RSPO4: variants seen among roughly 807,000 people sequenced by gnomAD.
The protein encoded by RSPO4 is R-spondin 4, also known as R-spondin-4.
RSPO4 carries 23 observed loss-of-function variants against 24.8 expected under a neutral mutation model. That is an observed-to-expected ratio of 0.93 (90% CI 0.67 to 1.31). The LOEUF (loss-of-function observed/expected upper bound fraction) is 1.31, where lower values mean the gene tolerates loss of function less well. Among genes scored for constraint, RSPO4 ranks in the 40% most tolerant of loss-of-function variants. RSPO4 has a pLI of 0.00. For synonymous variants in RSPO4, 141 were observed against 127.4 expected (o/e 1.11, Z -0.72); for missense variants, 333 against 316.5 (o/e 1.05, Z -0.39).
At chr20:992,494 C>T (rs542942596) in intron 1 of RSPO4, among the ~76,000 whole-genome samples, 1 of 152,120 alleles carries the variant, frequency 6.6e-6, no homozygotes, top group African/African-American at 2.4e-5. Context: ...TCTCTGACAT[C>T]AGGCTCGAAC....
intron 3 of RSPO4, among the ~76,000 whole-genome samples, chr20:965,654 C>G (rs114442345): frequency 0.021 from 3,185 of 152,206 alleles, 57 homozygotes; most frequent in African/African-American, 0.046. Flanking sequence ...GGGAAGAGGG[C>G]GGCACAGAGG....
intron 1 of RSPO4, among the ~76,000 whole-genome samples, chr20:975,021 C>T (rs1427337940): frequency 6.6e-6 from 1 of 152,206 alleles, no homozygotes; most frequent in Non-Finnish European, 1.5e-5. Flanking sequence ...TGACTGCCTC[C>T]CAGTCCTTCC....
chr20:984,120 G>A (rs1286614579), intron 1 of RSPO4, among the ~76,000 whole-genome samples: 1 of 151,960 alleles, frequency 6.6e-6, no homozygotes, highest in Non-Finnish European at 1.5e-5. Flanking sequence ...GGTGGATCAT[G>A]AGGTCAGGAG....
At chr20:964,557 C>T (rs923391561) in intron 3 of RSPO4, among the ~76,000 whole-genome samples, 1 of 151,792 alleles carries the variant, frequency 6.6e-6, no homozygotes, top group Non-Finnish European at 1.5e-5. Context: ...GCCTGGGAAG[C>T]CCTCAGGACC....
intron 1 of RSPO4, among the ~76,000 whole-genome samples, chr20:988,417 T>C (rs568947433): frequency 7.2e-5 from 11 of 152,192 alleles, no homozygotes; most frequent in African/African-American, 2.4e-4. Flanking sequence ...CTGGCAGCTA[T>C]GAGAAGTGGG....
chr20:976,997 C>A (rs1436163662), intron 1 of RSPO4, among the ~76,000 whole-genome samples: 1 of 152,168 alleles, frequency 6.6e-6, no homozygotes, highest in Non-Finnish European at 1.5e-5. Context: ...TTACTGCAGA[C>A]CCTACCCCTC....
At chr20:1,001,094 T>C (rs1040212628) in intron 1 of RSPO4, among the ~76,000 whole-genome samples, 8 of 152,248 alleles carry the variant, frequency 5.3e-5, no homozygotes, top group African/African-American at 1.9e-4. Context: ...TAAACCAGTC[T>C]GAGCCTTGGA....
Position 960,097 on chromosome 20 carries a change from A to G in RSPO4, c.*260T>C. The G allele has an allele frequency of 1.8e-6, 1 of 557,156 alleles. No individual in the cohort carries two copies. Among genetic ancestry groups the G allele is most frequent in the Non-Finnish European group, 3.2e-6 (1 of 312,528 alleles). 34.5% of individuals were successfully genotyped at this position (557,156 alleles called of 1,614,324 possible). ...CACAGGAAGAAAGAAAAGGAAAGAT[A>G]AAAGATAAGTGAGAAAGAAGAGGAA... On this transcript the variant is annotated 3_prime_UTR_variant, in exon 5 of 5. Coordinates refer to ENST00000217260, the MANE Select transcript of RSPO4 (RefSeq NM_001029871.4).
At chr20:960,488 C>T (rs1302141959) in intron 4 of RSPO4, 22 bp from the exon 5 acceptor site, 131 of 1,522,736 alleles carry the variant, frequency 8.6e-5, no homozygotes, top group East Asian at 4.4e-4. Flanking sequence ...GGACAGAGCC[C>T]GGTGACCAAG....
At chr20:999,215 A>T (rs1188037581) in intron 1 of RSPO4, among the ~76,000 whole-genome samples, 1 of 151,990 alleles carries the variant, frequency 6.6e-6, no homozygotes, top group Non-Finnish European at 1.5e-5. Flanking sequence ...GAGTTTTGCC[A>T]TGTTGCCCAG....
intron 1 of RSPO4, among the ~76,000 whole-genome samples, chr20:990,508 T>TCCTC (rs758017234): frequency 7.8e-5 from 10 of 128,248 alleles, no homozygotes; most frequent in South Asian, 2.3e-4. Flanking sequence ...CTTCTTTCCT[T>TCCTC]CCTCCCTCCC....
chr20:967,199 G>C lies in RSPO4; in HGVS notation c.384C>G (p.Ala128=), dbSNP rs777713947. The stretch of plus-strand genomic sequence containing the variant: ...CCTGGCACTCCCGTGTGTTCTGGTG[G>C]GCCAAAGTGCCCGGCGGGCAGGTGG... ...CLPTCPPGTL[A]HQNTRECQGE... The change falls in exon 3 of 5, where the codon GCC becomes GCG. Residue 128 remains alanine (A), a synonymous_variant. Transcript: ENST00000217260. 1.2e-6 allele frequency: 2 copies of C among 1,613,914 alleles called. No individual in the cohort carries two copies. Among genetic ancestry groups the C allele is most frequent in the Non-Finnish European group, 1.7e-6 (2 of 1,180,028 alleles).
chr20:987,402 C>A (rs57023572), intron 1 of RSPO4, among the ~76,000 whole-genome samples: 3 of 152,084 alleles, frequency 2.0e-5, no homozygotes, highest in African/African-American at 7.2e-5. Context: ...GGTAGGACTC[C>A]AAGGTTTGGG....
At chr20:975,260 CCCTGGGT>C (rs1158894547) in intron 1 of RSPO4, among the ~76,000 whole-genome samples, 1 of 152,156 alleles carries the variant, frequency 6.6e-6, no homozygotes, top group Non-Finnish European at 1.5e-5. Context: ...CTTTGAAACC[CCCTGGGT>C]CCTTCTACAC....
rs369892379 is a variant in RSPO4, at chr20:989,691, C to T, written c.79+12395G>A. 3.3e-5 allele frequency among the ~76,000 whole-genome samples: 5 copies of T among 152,358 alleles called. No individual in the cohort carries two copies. In the East Asian group the frequency reaches 7.7e-4, roughly 24 times the overall value. ...GCAGCTAGAGGGACCTGGGCCTGCACAGGCATGGAAATTCTGCACTCACTG... is the reference window on the plus strand; with the variant it reads ...GCAGCTAGAGGGACCTGGGCCTGCATAGGCATGGAAATTCTGCACTCACTG... On this transcript the variant is annotated intron_variant, in intron 1 of 4. Transcript: ENST00000217260.
intron 1 of RSPO4, among the ~76,000 whole-genome samples, chr20:987,077 G>A (rs1282901779): frequency 1.3e-5 from 2 of 152,188 alleles, no homozygotes; most frequent in African/African-American, 4.8e-5. Flanking sequence ...TGAGTTGAGA[G>A]AGGGGTAGGC....
chr20:989,224 G>A (rs1445131235), intron 1 of RSPO4, among the ~76,000 whole-genome samples: 10 of 152,112 alleles, frequency 6.6e-5, no homozygotes, highest in African/African-American at 2.4e-4. Flanking sequence ...CCCAGCCCCT[G>A]GAAGTAGAGA....
intron 1 of RSPO4, among the ~76,000 whole-genome samples, chr20:993,635 C>T (rs1985181785): frequency 6.6e-6 from 1 of 152,150 alleles, no homozygotes. Flanking sequence ...GGAGGGCTGG[C>T]ATGGTGGTTA....
Position 994,618 on chromosome 20 carries a change from G to A in RSPO4, c.79+7468C>T, listed in dbSNP as rs532949319. ...GTCACCCAGGCTAGAGTGCAGCAGTGCAATCTCAGCTCACTGCAACCTTTG... is the reference window on the plus strand; with the variant it reads ...GTCACCCAGGCTAGAGTGCAGCAGTACAATCTCAGCTCACTGCAACCTTTG... On this transcript the variant is annotated intron_variant, in intron 1 of 4. Coordinates refer to ENST00000217260, the MANE Select transcript of RSPO4 (RefSeq NM_001029871.4). 3.7e-4 allele frequency among the ~76,000 whole-genome samples: 57 copies of A among 152,294 alleles called. No homozygotes were observed. In the South Asian group the frequency reaches 0.011, roughly 30 times the overall value.
Sources: allele counts gnomAD v4.1 joint callset (sites outside exome capture counted in the v4.1 genomes callset), GRCh38; gene constraint gnomAD v4.1.1; transcripts MANE v1.5; gene names NCBI Gene and HGNC (gene_info 2026-07-23, HGNC 2026-07-21).